The following FCHO1 variants were observed in gnomAD, a reference collection of about 807,000 sequenced individuals.
The protein encoded by FCHO1 is FCH and mu domain containing endocytic adaptor 1, also known as F-BAR domain only protein 1.
Under a neutral mutation model 114.4 loss-of-function variants are expected in FCHO1, and 45 were observed. The observed-to-expected ratio is 0.39, with a 90% CI of 0.31 to 0.50. FCHO1 has a LOEUF of 0.50. Ranked by LOEUF, FCHO1 falls within the 20% of genes least tolerant of loss-of-function variation. The pLI is 0.77. For missense variants in FCHO1, 1,042 were observed against 1,209.6 expected, an observed-to-expected ratio of 0.86 and a Z score of 2.06; for synonymous variants, 480 against 488.9, an observed-to-expected ratio of 0.98 and a Z score of 0.24.
At chr19:17,779,842 C>A (rs2093182464) in intron 20 of FCHO1, among the ~76,000 whole-genome samples, 1 of 151,738 alleles carries the variant, frequency 6.6e-6, no homozygotes, top group Non-Finnish European at 1.5e-5. Flanking sequence ...GGTCAGAGCA[C>A]CCCCTCCTTG....
chr19:17,782,317 C>G (rs1444132211), intron 23 of FCHO1, among the ~76,000 whole-genome samples: 1 of 152,196 alleles, frequency 6.6e-6, no homozygotes, highest in Non-Finnish European at 1.5e-5. Context: ...ATTCTCCTGC[C>G]TCAGCCTCCC....
At chr19:17,772,113 T>A (rs4808687) in intron 9 of FCHO1, among the ~76,000 whole-genome samples, 1 of 152,248 alleles carries the variant, frequency 6.6e-6, no homozygotes, top group South Asian at 2.1e-4. Context: ...AGCTGACCAC[T>A]ATTTCTGCTT....
In FCHO1 at chr19:17,780,323, G is replaced by A. The variant is rs144242941; in HGVS notation, c.1628-908G>A. Among the ~76,000 whole-genome samples the A allele has an allele frequency of 8.3e-3, 1,266 of 152,030 alleles. 18 individuals are homozygous for A. The highest frequency in any genetic ancestry group is 0.029 in the African/African-American group (1,222 of 41,470). On this transcript the variant is annotated intron_variant, in intron 20 of 28. Coordinates refer to ENST00000596536, the MANE Select transcript of FCHO1 (RefSeq NM_015122.3). ...GGACTACAGGTGCGTACCGCCACAC[G>A]TGGCTAATTTTTGTATTTTTAGTAG...
At chr19:17,780,143 G>A (rs923143807) in intron 20 of FCHO1, among the ~76,000 whole-genome samples, 1 of 150,360 alleles carries the variant, frequency 6.7e-6, no homozygotes, top group East Asian at 2.0e-4. Context: ...AGACCACAGA[G>A]TGGGGGCAGA....
Position 17,776,403 on chromosome 19 carries a change from C to G in FCHO1, c.1207+132C>G. 1 of 1,231,572 alleles carries G rather than the reference C, an allele frequency of 8.1e-7. No homozygotes were observed. The highest frequency in any genetic ancestry group is 1.5e-5 in the African/African-American group (1 of 67,540). The allele number at this position is 1,231,572 out of a possible 1,614,324, so 76.3% of individuals were successfully genotyped here. A position where few individuals can be genotyped will look rare whatever the true frequency, so the allele number is the denominator to read the frequency against. ...CCACACTGACCTTCAGTCTCCTTTT[C>G]TGTAAAATGAGGTCATTATGAAATT... is the stretch of plus-strand genomic sequence containing the variant. On this transcript the variant is annotated intron_variant, in intron 17 of 28. Coordinates refer to ENST00000596536, the MANE Select transcript of FCHO1 (RefSeq NM_015122.3). This position sits in a 1 kb window ranked among gnomAD's most constrained non-coding sequence, Gnocchi z 4.4.
rs899361596 is a variant in FCHO1, at chr19:17,752,316, T to C, written c.-183+739T>C. Reference sequence around the variant, plus strand: ...CTCTTTCAACCAGGTTGGAGTGCAGTGGGGCAATCTTGGCTCACTACAACC... The same window carrying C: ...CTCTTTCAACCAGGTTGGAGTGCAGCGGGGCAATCTTGGCTCACTACAACC... On this transcript the variant is annotated intron_variant, in intron 1 of 28. Transcript: ENST00000596536. 4 of 152,162 alleles carry C rather than the reference T, an allele frequency of 2.6e-5. No homozygotes were observed. The East Asian group carries it at 7.7e-4, about 29-fold the overall frequency. The allele number at this position is 152,162 out of a possible 1,614,324, so 9.4% of individuals were successfully genotyped here. A position where few individuals can be genotyped will look rare whatever the true frequency, so the allele number is the denominator to read the frequency against.
chr19:17,787,981 A>T (rs117236157), intron 28 of FCHO1, 135 bp downstream of exon 28: 55,599 of 1,131,460 alleles, frequency 0.049, 1,562 homozygotes, highest in Middle Eastern at 0.065. Context: ...GAGACCCCAG[A>T]TGGGGGGCAC....
Position 17,778,848 on chromosome 19 carries a change from C to G in FCHO1, c.1591C>G (p.Pro531Ala). The change falls in exon 20 of 29, where the codon CCA becomes GCA. Residue 531 changes from proline to alanine, a missense_variant. Around this residue, in one of 3 missense-constraint regions of FCHO1, gnomAD observed 455 missense variants for 455.4 expected, o/e 1.00. Transcript: ENST00000596536. ...PDSPQPLASS[P>A]GPWGLEALAG... ...CTCGCCGCAGCCCCTCGCCTCGTCTCCAGGCCCCTGGGGGCTGGAGGCCTT... is the reference window on the plus strand; with the variant it reads ...CTCGCCGCAGCCCCTCGCCTCGTCTGCAGGCCCCTGGGGGCTGGAGGCCTT... 6.4e-7 allele frequency: 1 copy of G among 1,566,418 alleles called. No individual in the cohort carries two copies.
At chr19:17,761,429 G>A (rs1381049815) in intron 4 of FCHO1, among the ~76,000 whole-genome samples, 1 of 150,246 alleles carries the variant, frequency 6.7e-6, no homozygotes, top group Non-Finnish European at 1.5e-5. Flanking sequence ...TAGTATAAAT[G>A]GGATCACTTT....
chr19:17,775,106 TG>T lies in FCHO1; in HGVS notation c.945+29del. 6.2e-7 allele frequency: 1 copy of T among 1,608,644 alleles called. No individual in the cohort carries two copies. The highest frequency in any genetic ancestry group is 8.5e-7 in the Non-Finnish European group (1 of 1,176,910). On this transcript the variant is annotated intron_variant, in intron 14 of 28. Transcript: ENST00000596536. The surrounding 1 kb of genome is among the most constrained non-coding windows in gnomAD (Gnocchi z 5.1). The stretch of plus-strand genomic sequence containing the variant: ...GTGAGTGATGTGGGAGGGGTCAGGC[TG>T]GGCTACAAGTGGAAGGAGTTTGATC...
At position 17,775,349 on chromosome 19, in the gene FCHO1, G is replaced by T; in HGVS notation, c.946-107G>T. On this transcript the variant is annotated intron_variant, in intron 14 of 28. Transcript: ENST00000596536. This position sits in a 1 kb window ranked among gnomAD's most constrained non-coding sequence, Gnocchi z 5.1. Reference sequence around the variant, plus strand: ...AGTCGTTGCCATCAGGGTTGGTTTTGAGGTCTGAGTCAAGGCCTGGGGGCA... The same window carrying T: ...AGTCGTTGCCATCAGGGTTGGTTTTTAGGTCTGAGTCAAGGCCTGGGGGCA... 1 of 1,200,866 alleles carries T rather than the reference G, an allele frequency of 8.3e-7. No individual in the cohort carries two copies. The highest frequency in any genetic ancestry group is 1.2e-5 in the South Asian group (1 of 81,718). 74.4% of individuals were successfully genotyped at this position (1,200,866 alleles called of 1,614,324 possible).
chr19:17,786,539 T>C, intron 26 of FCHO1, 35 bp from the exon 27 acceptor site: 1 of 1,606,796 alleles, frequency 6.2e-7, no homozygotes, highest in Non-Finnish European at 8.5e-7. Context: ...GCATCCTCTC[T>C]GGGGAAGCCC....
chr19:17,785,952 C>T (rs1439386612), intron 26 of FCHO1, among the ~76,000 whole-genome samples: 1 of 150,826 alleles, frequency 6.6e-6, no homozygotes, highest in Non-Finnish European at 1.5e-5. Flanking sequence ...CCCTGGGTGA[C>T]AACTGTCTCT....
Position 17,754,595 on chromosome 19 carries a change from C to CT in FCHO1, c.-133dup, listed in dbSNP as rs890902291. On this transcript the variant is annotated 5_prime_UTR_variant, in exon 3 of 29. Transcript: ENST00000596536. ...TCTTCAAACCCTTTTCCTGCAGGAG[C>CT]TGCCTGGAGTGGAGCTGAGAGCTCA... The CT allele has an allele frequency of 6.4e-6, 1 of 155,694 alleles. No homozygotes were observed. Among genetic ancestry groups the CT allele is most frequent in the Non-Finnish European group, 1.4e-5 (1 of 70,004 alleles). 9.6% of individuals were successfully genotyped at this position (155,694 alleles called of 1,614,324 possible).
At position 17,778,839 on chromosome 19, in the gene FCHO1, G is replaced by T; in HGVS notation, c.1582G>T (p.Ala528Ser). 2.6e-6 allele frequency: 4 copies of T among 1,561,262 alleles called. No homozygotes were observed. The highest frequency in any genetic ancestry group is 3.4e-6 in the Non-Finnish European group (4 of 1,161,122). The change falls in exon 20 of 29, where the codon GCC becomes TCC. Residue 528 changes from alanine to serine, a missense_variant. Ala to Ser is a moderately conservative substitution (Grantham distance 99). Around this residue, in one of 3 missense-constraint regions of FCHO1, gnomAD observed 455 missense variants for 455.4 expected, o/e 1.00. Coordinates refer to ENST00000596536, the MANE Select transcript of FCHO1 (RefSeq NM_015122.3). ...TCTGCCAGACTCGCCGCAGCCCCTC[G>T]CCTCGTCTCCAGGCCCCTGGGGGCT... ...PPLPDSPQPL[A>S]SSPGPWGLEA...
Position 17,776,916 on chromosome 19 carries a change from G to C in FCHO1, c.1259+230G>C, listed in dbSNP as rs1568358468. On this transcript the variant is annotated intron_variant, in intron 18 of 28. Transcript: ENST00000596536. The surrounding 1 kb of genome is among the most constrained non-coding windows in gnomAD (Gnocchi z 4.4). ...GAGTTCAAGCGATTTTCATGCCTCA[G>C]CCTCCTAAGTAGCTGAGATTACAGG... 6.6e-6 allele frequency among the ~76,000 whole-genome samples: 1 copy of C among 152,034 alleles called. No individual in the cohort carries two copies. Among genetic ancestry groups the C allele is most frequent in the East Asian group, 1.9e-4 (1 of 5,148 alleles).
intron 26 of FCHO1, 135 bp downstream of exon 26, chr19:17,785,059 G>A: frequency 4.7e-6 from 4 of 849,614 alleles, no homozygotes; most frequent in South Asian, 1.6e-5. Context: ...TAGCACTAAG[G>A]GTGATGTTAT....
intron 4 of FCHO1, among the ~76,000 whole-genome samples, chr19:17,756,557 T>C (rs537990479): frequency 6.6e-6 from 1 of 152,244 alleles, no homozygotes; most frequent in East Asian, 1.9e-4. Context: ...AGGATTCGAA[T>C]TGACTCTGCT....
chr19:17,756,725 T>C (rs1242213398), intron 4 of FCHO1, among the ~76,000 whole-genome samples: 1 of 152,200 alleles, frequency 6.6e-6, no homozygotes, highest in African/African-American at 2.4e-5. Flanking sequence ...GTTGCTAGTA[T>C]TGAAGCCGCC....
Sources: allele counts gnomAD v4.1 joint callset (sites outside exome capture counted in the v4.1 genomes callset), GRCh38; gene constraint gnomAD v4.1.1; regional missense constraint gnomAD v4.1.1; non-coding constraint Gnocchi (gnomAD v3.1); transcripts MANE v1.5; gene names NCBI Gene and HGNC (gene_info 2026-07-23, HGNC 2026-07-21).